PER1: variants seen among roughly 807,000 people sequenced by gnomAD.
PER1 encodes the protein period circadian protein homolog 1.
A neutral mutation model predicts 125.9 loss-of-function variants in PER1; 87 were observed. The ratio of observed to expected loss-of-function variants is 0.69; its 90% CI spans 0.58 to 0.83. The LOEUF is 0.83. PER1 is among the 40% of genes least tolerant of loss of function. The pLI, the probability that PER1 is intolerant of heterozygous loss-of-function variation, is 0.00. For synonymous variants in PER1, 801 were observed against 714.7 expected (o/e 1.12, Z -1.93); for missense variants, 1,775 against 1,722.8 (o/e 1.03, Z -0.54).
At chr17:8,151,790 C>T (rs780803551) in intron 1 of PER1, among the ~76,000 whole-genome samples, 18 of 152,124 alleles carry the variant, frequency 1.2e-4, no homozygotes, top group Non-Finnish European at 2.1e-4. Flanking sequence ...GGGCAGAAGA[C>T]ACACAACAGC....
Position 8,148,093 on chromosome 17 carries a change from G to T in PER1, c.1138C>A (p.Leu380Met). The T allele has an allele frequency of 6.2e-7, 1 of 1,612,118 alleles. No homozygotes were observed. The highest frequency in any genetic ancestry group is 2.2e-5 in the East Asian group (1 of 44,874). ...FQDVDERAAP[L>M]LGYLPQDLLG... is the part of the protein sequence containing the mutation. ...AGGTCCTGGGGCAGGTAGCCCAGCA[G>T]GGGGGCAGCCCTGAACGGGAAGGAG... The change falls in exon 10 of 23, where the codon CTG becomes ATG. Residue 380 changes from leucine (L) to methionine (M), a missense_variant. Leu to Met is a conservative substitution (Grantham distance 15, BLOSUM62 2). Coordinates refer to ENST00000317276, the MANE Select transcript of PER1 (RefSeq NM_002616.3).
rs977637639 is a variant in PER1 at position 8,150,512 on chromosome 17, T to G, written c.195A>C (p.Ala65=). The G allele has an allele frequency of 6.2e-7, 1 of 1,614,136 alleles. No homozygotes were observed. Among genetic ancestry groups the G allele is most frequent in the Non-Finnish European group, 8.5e-7 (1 of 1,179,994 alleles). ...NESNGHESRG[A]SQRSSHSSSS... ...AGGAGCTGTGTGAGCTCCGCTGAGA[T>G]GCGCCTCTAGACTCATGCCCGTTGG... Residue 65 remains alanine (A), a synonymous_variant, in exon 2 of 23, where the codon GCA becomes GCC. Transcript: ENST00000317276.
In PER1 at chr17:8,144,957, G is replaced by C. The variant is rs748967347; in HGVS notation, c.2255C>G (p.Pro752Arg). 6.0e-6 allele frequency: 9 copies of C among 1,509,798 alleles called. No individual in the cohort carries two copies. The African/African-American group carries it at 1.3e-4, about 21-fold the overall frequency. The allele number at this position is 1,509,798 out of a possible 1,614,324, so 93.5% of individuals were successfully genotyped here. Residue 752 changes from proline (P) to arginine (R), a missense_variant, in exon 18 of 23, where the codon CCA (proline) becomes CGA (arginine). Pro to Arg is a moderately radical substitution (Grantham distance 103). Coordinates refer to ENST00000317276, the MANE Select transcript of PER1 (RefSeq NM_002616.3). ...GGGGGCTGGGCTGGGGGCTGGGCCTGGGGCTAGGCCAGGCAGGTCCTCCAT... is the reference window on the plus strand; with the variant it reads ...GGGGGCTGGGCTGGGGGCTGGGCCTCGGGCTAGGCCAGGCAGGTCCTCCAT... ...IMMEDLPGLA[P>R]GPAPSPAPSP... is the part of the protein sequence containing the mutation.
intron 17 of PER1, among the ~76,000 whole-genome samples, 164 bp downstream of exon 17, chr17:8,145,794 A>C (rs1982392465): frequency 6.6e-6 from 1 of 152,190 alleles, no homozygotes. Flanking sequence ...AAAGCCGAGA[A>C]GCCTGGCAGG....
chr17:8,148,324 C>A (rs1982593629), intron 8 of PER1, 65 bp from the exon 9 acceptor site: 2 of 1,326,040 alleles, frequency 1.5e-6, no homozygotes, highest in South Asian at 2.5e-5. Context: ...GCCCTCCACT[C>A]TGCCTGGGCC....
In PER1 at chr17:8,143,482, G is replaced by C. The variant is rs755063217; in HGVS notation, c.2856C>G (p.His952Gln). 1.9e-6 allele frequency: 3 copies of C among 1,593,906 alleles called. No homozygotes were observed. In the South Asian group the frequency reaches 3.4e-5, roughly 18 times the overall value. Residue 952 changes from histidine to glutamine, a missense_variant, in exon 19 of 23, where the codon CAC becomes CAG. By Grantham distance (24) the His-to-Gln change is conservative (BLOSUM62 0). Transcript: ENST00000317276. ...GGGCGGGCAAGGATGGAGAAGGGGAGTGCGAGGCAGGAGTGGGAGGCCCTT... is the reference window on the plus strand; with the variant it reads ...GGGCGGGCAAGGATGGAGAAGGGGACTGCGAGGCAGGAGTGGGAGGCCCTT... ...PAEGPPTPAS[H>Q]SPSPSLPALA...
At chr17:8,146,550 C>A (rs1468232272) in intron 15 of PER1, 44 bp downstream of exon 15, 8 of 1,602,140 alleles carry the variant, frequency 5.0e-6, no homozygotes, top group Non-Finnish European at 6.8e-6. Flanking sequence ...TTGGGGTGGG[C>A]AGGGTTAGAG....
chr17:8,141,116 C>A lies in PER1; in HGVS notation c.3825G>T (p.Arg1275Ser), dbSNP rs1257824862. 6.2e-7 allele frequency: 1 copy of A among 1,614,174 alleles called. No individual in the cohort carries two copies. The highest frequency in any genetic ancestry group is 2.2e-5 in the East Asian group (1 of 44,888). Residue 1275 changes from arginine (R) to serine (S), a missense_variant, in exon 23 of 23, where the codon AGG becomes AGT. Coordinates refer to ENST00000317276, the MANE Select transcript of PER1 (RefSeq NM_002616.3). ...TAGGTAAGGCTGGACTGGATGAGCT[C>A]CTGCCTTCTTCCTCCTCCTCCATAG... ...DLAMEEEEEG[R>S]SSSSPALPTA... is the part of the protein sequence containing the mutation.
rs982011841 is a variant in PER1, at chr17:8,150,668, G to T, written c.39C>A (p.Asp13Glu). ...GACAAAATGATTCCCCAGGCCTGGGGTCCCCTCCCCCATCAGCCCCTTCTA... is the reference window on the plus strand; with the variant it reads ...GACAAAATGATTCCCCAGGCCTGGGTTCCCCTCCCCCATCAGCCCCTTCTA... ...GPLEGADGGG[D>E]PRPGESFCPG... Residue 13 changes from aspartate (D) to glutamate (E), a missense_variant, in exon 2 of 23, where the codon GAC becomes GAA. Coordinates refer to ENST00000317276, the MANE Select transcript of PER1 (RefSeq NM_002616.3). The T allele has an allele frequency of 1.9e-6, 3 of 1,594,180 alleles. No homozygotes were observed. Among genetic ancestry groups the T allele is most frequent in the South Asian group, 1.1e-5 (1 of 88,962 alleles).
rs201305059 is a variant in PER1 at position 8,150,366 on chromosome 17, G to T, written c.276-49C>A. The T allele has an allele frequency of 1.6e-5, 25 of 1,556,548 alleles. No homozygotes were observed. In the East Asian group the frequency reaches 5.6e-4, roughly 35 times the overall value. ...TTACAGGTAGGGCCAGCAGTGCGAG[G>T]CCTGTCACCCAGCTCTGCCTGCTCA... On this transcript the variant is annotated intron_variant, in intron 2 of 22. Coordinates refer to ENST00000317276, the MANE Select transcript of PER1 (RefSeq NM_002616.3).
At chr17:8,144,540 TC>T in intron 18 of PER1, 3 of 576,694 alleles carry the variant, frequency 5.2e-6, no homozygotes, top group Non-Finnish European at 5.8e-6. Flanking sequence ...CCCAGTGCCA[TC>T]CCCCCAGGCT....
At chr17:8,147,089 G>T in intron 13 of PER1, 87 bp from the exon 14 acceptor site, 2 of 1,402,730 alleles carry the variant, frequency 1.4e-6, no homozygotes, top group Non-Finnish European at 1.0e-6. Context: ...GAAGGTACCA[G>T]TGGGGAGGCA....
Position 8,146,765 on chromosome 17 carries a change from G to A in PER1, c.1736C>T (p.Ala579Val), listed in dbSNP as rs753274679. 1 of 1,610,084 alleles carries A rather than the reference G, an allele frequency of 6.2e-7. No homozygotes were observed. The highest frequency in any genetic ancestry group is 8.5e-7 in the Non-Finnish European group (1 of 1,178,660). The part of the protein sequence containing the change: ...ARPQSRPRLP[A>V]TGTFKAKALP... ...GGCCTTGGCCTTGAACGTGCCTGTAGCTGGGGCAAAGAGAGAAAGAGGAAA... is the reference window on the plus strand; with the variant it reads ...GGCCTTGGCCTTGAACGTGCCTGTAACTGGGGCAAAGAGAGAAAGAGGAAA... Residue 579 changes from alanine (A) to valine (V), a missense_variant and splice_region_variant, in exon 15 of 23, where the codon GCT becomes GTT. Coordinates refer to ENST00000317276, the MANE Select transcript of PER1 (RefSeq NM_002616.3).
At chr17:8,145,390 C>T (rs1982369834) in intron 17 of PER1, among the ~76,000 whole-genome samples, 1 of 146,694 alleles carries the variant, frequency 6.8e-6, no homozygotes, top group African/African-American at 2.5e-5. Context: ...GTGGTGCGAT[C>T]TCAGCTCACT....
chr17:8,149,899 C>T (rs1202274494), intron 4 of PER1, 23 bp from the exon 5 acceptor site: 1 of 1,614,106 alleles, frequency 6.2e-7, no homozygotes. Context: ...GGCAGTGAGG[C>T]ATTCAGTAAG....
At position 8,147,995 on chromosome 17, in the gene PER1, A is replaced by G; in HGVS notation, c.1234+2T>C. 6.2e-7 allele frequency: 1 copy of G among 1,610,776 alleles called. No homozygotes were observed. The highest frequency in any genetic ancestry group is 8.5e-7 in the Non-Finnish European group (1 of 1,178,188). Reference sequence around the variant, plus strand: ...AGGGCGAGCAGGGCGAGAGGAACTCACTCTTCTTGTGGATAGCCAGCATGA... The same window carrying G: ...AGGGCGAGCAGGGCGAGAGGAACTCGCTCTTCTTGTGGATAGCCAGCATGA... On this transcript the variant is annotated splice_donor_variant, in intron 10 of 22. Transcript: ENST00000317276. LOFTEE classifies it high-confidence loss of function.
At chr17:8,149,143 C>T (rs919131012) in intron 7 of PER1, 116 bp downstream of exon 7, 16 of 928,536 alleles carry the variant, frequency 1.7e-5, no homozygotes, top group Middle Eastern at 2.5e-4. Flanking sequence ...GAGCCGAGAT[C>T]GTGCCACCGC....
At position 8,140,766 on chromosome 17, in the gene PER1, G is replaced by A. The variant is rs1490407271; in HGVS notation, c.*302C>T. 11 of 357,272 alleles carry A rather than the reference G, an allele frequency of 3.1e-5. No individual in the cohort carries two copies. Among genetic ancestry groups the A allele is most frequent in the Non-Finnish European group, 5.2e-5 (10 of 192,182 alleles). The allele number at this position is 357,272 out of a possible 1,614,324, so 22.1% of individuals were successfully genotyped here. ...TCAAGAGTCAGATTCAGGCTCAGCTGGAATATGGAGAGGCCACTTCAGCAG... is the reference window on the plus strand; with the variant it reads ...TCAAGAGTCAGATTCAGGCTCAGCTAGAATATGGAGAGGCCACTTCAGCAG... On this transcript the variant is annotated 3_prime_UTR_variant, in exon 23 of 23. Transcript: ENST00000317276.
At chr17:8,142,011 C>G (rs1323439520) in intron 21 of PER1, 56 bp from the exon 22 acceptor site, 1 of 1,604,206 alleles carries the variant, frequency 6.2e-7, no homozygotes, top group Admixed American at 1.7e-5. Flanking sequence ...CGGACCAGGA[C>G]CCATGAAGCT....
Sources: allele counts gnomAD v4.1 joint callset (sites outside exome capture counted in the v4.1 genomes callset), GRCh38; gene constraint gnomAD v4.1.1; transcripts MANE v1.5; gene names NCBI Gene and HGNC (gene_info 2026-07-23, HGNC 2026-07-21).